CLASP2: variants seen among roughly 807,000 people sequenced by gnomAD.
CLASP2 encodes the protein CLIP-associating protein 2.
A neutral mutation model predicts 194.4 loss-of-function variants in CLASP2; 47 were observed. The ratio of observed to expected loss-of-function variants is 0.24; its 90% CI spans 0.19 to 0.31. The LOEUF is 0.31. Ranked by LOEUF, CLASP2 falls within the 10% of genes least tolerant of loss-of-function variation. CLASP2 has a pLI of 1.00. For missense variants in CLASP2, 1,445 were observed against 1,823.6 expected (o/e 0.79, Z 3.78); for synonymous variants, 619 against 633.5 (o/e 0.98, Z 0.34).
chr3:33,518,258 A>G (rs2051988027), intron 34 of CLASP2, among the ~76,000 whole-genome samples: 1 of 152,226 alleles, frequency 6.6e-6, no homozygotes, highest in Non-Finnish European at 1.5e-5. Context: ...CATGGATTTT[A>G]TAACCATGAA....
At chr3:33,559,113 A>G (rs1447533287) in intron 29 of CLASP2, 194 bp downstream of exon 29, 2 of 679,468 alleles carry the variant, frequency 2.9e-6, no homozygotes, top group Non-Finnish European at 5.4e-6. Context: ...ATGAAAACAA[A>G]AACAATAAAA....
At chr3:33,665,015 C>T (rs556842614) in intron 6 of CLASP2, among the ~76,000 whole-genome samples, 3 of 151,878 alleles carry the variant, frequency 2.0e-5, no homozygotes, top group African/African-American at 4.8e-5. Context: ...GCACAAGAAT[C>T]GCTTGAACCT....
chr3:33,676,287 C>T (rs1224517691), intron 6 of CLASP2, among the ~76,000 whole-genome samples: 72 of 150,378 alleles, frequency 4.8e-4, no homozygotes, highest in Non-Finnish European at 8.4e-4. Flanking sequence ...CGCATATCTA[C>T]AACTATCTGA....
intron 8 of CLASP2, among the ~76,000 whole-genome samples, chr3:33,635,627 A>T (rs2079997747): frequency 1.3e-5 from 2 of 152,252 alleles, no homozygotes; most frequent in Admixed American, 1.3e-4. Flanking sequence ...GATATATGAA[A>T]AAGAAGTGAT....
intron 3 of CLASP2, chr3:33,689,623 T>A (rs75350211): frequency 0.071 from 28,134 of 396,978 alleles, 973 homozygotes; most frequent in Admixed American, 0.1. Flanking sequence ...AGTTAGCTTT[T>A]AAAAAAAAAG....
At chr3:33,711,643 T>C (rs943687615) in intron 1 of CLASP2, among the ~76,000 whole-genome samples, 1 of 150,816 alleles carries the variant, frequency 6.6e-6, no homozygotes, top group Non-Finnish European at 1.5e-5. Context: ...AGGACTAATA[T>C]CCAGAATCTA....
intron 22 of CLASP2, 39 bp downstream of exon 22, chr3:33,584,711 G>T: frequency 6.7e-7 from 1 of 1,486,662 alleles, no homozygotes; most frequent in Non-Finnish European, 9.0e-7. Context: ...AAAAAAAAAG[G>T]GTTACATGTC....
chr3:33,498,743 C>T, intron 38 of CLASP2, 26 bp from the exon 39 acceptor site: 3 of 1,503,624 alleles, frequency 2.0e-6, no homozygotes, highest in Non-Finnish European at 2.8e-6. Context: ...AAATAAATGT[C>T]ATTTGAGCAA....
In CLASP2 at chr3:33,496,519, C is replaced by T. The variant is rs1336589469; in HGVS notation, c.*2112G>A. Reference sequence around the variant, plus strand: ...CACAATTTTTCCATGTTTACATCTACTAGCTTTCATTTGGACACATTAAAC... The same window carrying T: ...CACAATTTTTCCATGTTTACATCTATTAGCTTTCATTTGGACACATTAAAC... On this transcript the variant is annotated 3_prime_UTR_variant, in exon 39 of 39. Transcript: ENST00000682230. 6.6e-6 allele frequency: 1 copy of T among 152,126 alleles called. No homozygotes were observed. The highest frequency in any genetic ancestry group is 1.5e-5 in the Non-Finnish European group (1 of 68,012). 9.4% of individuals were successfully genotyped at this position (152,126 alleles called of 1,614,324 possible).
intron 23 of CLASP2, among the ~76,000 whole-genome samples, chr3:33,579,753 T>C (rs1188330328): frequency 1.3e-5 from 2 of 152,176 alleles, no homozygotes; most frequent in Admixed American, 6.5e-5. Flanking sequence ...ATTATTATCC[T>C]TGTTTTATAG....
chr3:33,547,042 T>C (rs71325154), intron 30 of CLASP2, among the ~76,000 whole-genome samples: 7,794 of 152,322 alleles, frequency 0.051, 340 homozygotes, highest in South Asian at 0.15. Flanking sequence ...TTACTATTGA[T>C]ATGGTCTACT....
At chr3:33,580,330 G>A (rs1255841687) in intron 23 of CLASP2, among the ~76,000 whole-genome samples, 4 of 152,144 alleles carry the variant, frequency 2.6e-5, no homozygotes, top group Non-Finnish European at 4.4e-5. Context: ...GGGAGGCCGA[G>A]GTAGGTGGAT....
intron 26 of CLASP2, 83 bp from the exon 27 acceptor site, chr3:33,566,817 ATGC>A: frequency 2.4e-6 from 1 of 417,168 alleles, no homozygotes. Flanking sequence ...GTCGCCATCA[ATGC>A]AAAGTTCCTG....
chr3:33,605,187 G>C (rs760088197), intron 16 of CLASP2, among the ~76,000 whole-genome samples: 5 of 152,020 alleles, frequency 3.3e-5, no homozygotes, highest in Admixed American at 6.6e-5. Context: ...TGCAAAAAAT[G>C]AAAAATCTCA....
intron 21 of CLASP2, among the ~76,000 whole-genome samples, chr3:33,585,256 C>A (rs1272229501): frequency 6.6e-6 from 1 of 152,178 alleles, no homozygotes; most frequent in Non-Finnish European, 1.5e-5. Flanking sequence ...ATCTGACAAT[C>A]CATTTCATAT....
chr3:33,643,551 T>G (rs1269810465), intron 8 of CLASP2, among the ~76,000 whole-genome samples: 1 of 151,944 alleles, frequency 6.6e-6, no homozygotes, highest in Non-Finnish European at 1.5e-5. Context: ...ATAGATTACT[T>G]GAAACATCCA....
intron 27 of CLASP2, among the ~76,000 whole-genome samples, chr3:33,562,863 A>G (rs1474771315): frequency 6.6e-6 from 1 of 152,314 alleles, no homozygotes; most frequent in Admixed American, 6.5e-5. Context: ...CTAGGCCAGG[A>G]CTTAAAGCTA....
chr3:33,517,168 G>C lies in CLASP2; in HGVS notation c.3794C>G (p.Ser1265Cys), dbSNP rs2051551122. ...TGCAACTAGGTCAGAATGATCTAGG[G>C]AAAGATCTGTCAAAAGGACATGGTA... ...DDADQFPDDL[S>C]LDHSDLVAEL... The change falls in exon 35 of 39, where the codon TCC becomes TGC. Residue 1265 changes from serine (S) to cysteine (C), a missense_variant. By Grantham distance (112) the Ser-to-Cys change is moderately radical. Coordinates refer to ENST00000682230, the MANE Select transcript of CLASP2 (RefSeq NM_001365631.1). The C allele has an allele frequency of 6.2e-7, 1 of 1,609,522 alleles. No homozygotes were observed. Among genetic ancestry groups the C allele is most frequent in the Admixed American group, 1.7e-5 (1 of 59,046 alleles).
At chr3:33,576,679 C>T (rs943128137) in intron 23 of CLASP2, among the ~76,000 whole-genome samples, 3 of 152,122 alleles carry the variant, frequency 2.0e-5, no homozygotes, top group Non-Finnish European at 4.4e-5. Context: ...TCCATGAAGG[C>T]ACACTAGAAA....
Sources: allele counts gnomAD v4.1 joint callset (sites outside exome capture counted in the v4.1 genomes callset), GRCh38; gene constraint gnomAD v4.1.1; transcripts MANE v1.5; gene names NCBI Gene and HGNC (gene_info 2026-07-23, HGNC 2026-07-21).